SLC22A23: variants seen among roughly 807,000 people sequenced by gnomAD.
SLC22A23 encodes the protein solute carrier family 22 member 23.
SLC22A23 carries 26 observed loss-of-function variants against 61.0 expected under a neutral mutation model. That is an observed-to-expected ratio of 0.43 (90% CI 0.31 to 0.59). SLC22A23 has a LOEUF of 0.59. Among genes scored for constraint, SLC22A23 ranks in the 20% least tolerant of loss-of-function variants. SLC22A23 has a pLI of 0.11. For synonymous variants in SLC22A23, 430 were observed against 413.9 expected (o/e 1.04, Z -0.47); for missense variants, 796 against 934.7 (o/e 0.85, Z 1.94).
chr6:3,436,628 T>A (rs1771232460), intron 1 of SLC22A23, among the ~76,000 whole-genome samples: 2 of 152,108 alleles, frequency 1.3e-5, no homozygotes, highest in Admixed American at 1.3e-4. Flanking sequence ...CTCTTCCCTA[T>A]CTCCATGCAC....
At position 3,272,812 on chromosome 6, in the gene SLC22A23, C is replaced by G; in HGVS notation, c.*243G>C. The stretch of plus-strand genomic sequence containing the variant: ...AATAAAGTGCTTCTCGTAAAAATGA[C>G]CAAAATAAATACACACATTTAACGG... On this transcript the variant is annotated 3_prime_UTR_variant, in exon 10 of 10. Coordinates refer to ENST00000406686, the MANE Select transcript of SLC22A23 (RefSeq NM_015482.2). 1 of 428,038 alleles carries G rather than the reference C, an allele frequency of 2.3e-6. No homozygotes were observed. Among genetic ancestry groups the G allele is most frequent in the African/African-American group, 2.0e-5 (1 of 49,084 alleles). The allele number at this position is 428,038 out of a possible 1,614,324, so 26.5% of individuals were successfully genotyped here.
chr6:3,392,466 C>T (rs1337142413), intron 3 of SLC22A23, among the ~76,000 whole-genome samples: 1 of 152,194 alleles, frequency 6.6e-6, no homozygotes, highest in Non-Finnish European at 1.5e-5. Flanking sequence ...CTGATTCAGG[C>T]TGTATGAATA....
chr6:3,290,882 C>A (rs61439128), intron 5 of SLC22A23: 16,143 of 152,166 alleles, frequency 0.11, 1,179 homozygotes, highest in African/African-American at 0.2. Flanking sequence ...CTTCCCGAAG[C>A]GGAGGGGAAC....
intron 3 of SLC22A23, among the ~76,000 whole-genome samples, chr6:3,359,335 G>A (rs1042790363): frequency 3.3e-5 from 5 of 152,186 alleles, no homozygotes; most frequent in African/African-American, 9.7e-5. Context: ...ATCACTGAGT[G>A]GTTCTCCTTA....
intron 1 of SLC22A23, among the ~76,000 whole-genome samples, chr6:3,441,176 G>A (rs911119986): frequency 1.3e-5 from 2 of 152,194 alleles, no homozygotes; most frequent in Non-Finnish European, 2.9e-5. Flanking sequence ...CGTTCAGGTG[G>A]TTTTCAAGAG....
At chr6:3,401,667 G>A (rs1256279174) in intron 3 of SLC22A23, among the ~76,000 whole-genome samples, 1 of 152,096 alleles carries the variant, frequency 6.6e-6, no homozygotes, top group East Asian at 1.9e-4. Flanking sequence ...TGGCTCCCTG[G>A]TAACCAGCCT....
chr6:3,445,164 T>G (rs1381102584), intron 1 of SLC22A23, among the ~76,000 whole-genome samples: 1 of 151,622 alleles, frequency 6.6e-6, no homozygotes, highest in Non-Finnish European at 1.5e-5. Context: ...AGTGGCAGAG[T>G]TGGGGCTGCA....
chr6:3,319,424 C>T (rs1762821951), intron 4 of SLC22A23, among the ~76,000 whole-genome samples: 1 of 152,168 alleles, frequency 6.6e-6, no homozygotes, highest in South Asian at 2.1e-4. Context: ...TCCTGACCAC[C>T]CTACTTGGTA....
intron 6 of SLC22A23, among the ~76,000 whole-genome samples, chr6:3,288,539 T>C (rs1760269328): frequency 6.6e-6 from 1 of 152,226 alleles, no homozygotes; most frequent in African/African-American, 2.4e-5. Context: ...TCTCCTACCT[T>C]CTTGCTCTGG....
At chr6:3,446,081 G>A (rs1581904374) in intron 1 of SLC22A23, among the ~76,000 whole-genome samples, 1 of 152,290 alleles carries the variant, frequency 6.6e-6, no homozygotes, top group Non-Finnish European at 1.5e-5. Context: ...CCCATGCAAA[G>A]CCACAGCTGA....
intron 3 of SLC22A23, among the ~76,000 whole-genome samples, chr6:3,389,872 G>C (rs970830999): frequency 6.6e-6 from 1 of 152,366 alleles, no homozygotes; most frequent in East Asian, 1.9e-4. Flanking sequence ...CCCGTTAGTG[G>C]AGAACGGCCT....
chr6:3,317,624 T>C lies in SLC22A23; in HGVS notation c.1082+6210A>G, dbSNP rs894709941. 6.6e-6 allele frequency among the ~76,000 whole-genome samples: 1 copy of C among 152,178 alleles called. No individual in the cohort carries two copies. Among genetic ancestry groups the C allele is most frequent in the African/African-American group, 2.4e-5 (1 of 41,438 alleles). On this transcript the variant is annotated intron_variant, in intron 4 of 9. Coordinates refer to ENST00000406686, the MANE Select transcript of SLC22A23 (RefSeq NM_015482.2). This position sits in a 1 kb window ranked among gnomAD's most constrained non-coding sequence, Gnocchi z 4.4. ...ATGAGCGCTAAATCCCTGCTGCTCT[T>C]TACCGAGTGACAATCAATGCCTGAG...
intron 3 of SLC22A23, among the ~76,000 whole-genome samples, chr6:3,398,964 G>A (rs1480221332): frequency 4.6e-5 from 7 of 152,146 alleles, no homozygotes. Flanking sequence ...AGGAGGTCGA[G>A]ACTTCGGTCA....
At position 3,324,701 on chromosome 6, in the gene SLC22A23, G is replaced by A. The variant is rs1376988166; in HGVS notation, c.914-699C>T. On this transcript the variant is annotated intron_variant, in intron 3 of 9. Coordinates refer to ENST00000406686, the MANE Select transcript of SLC22A23 (RefSeq NM_015482.2). This position sits in a 1 kb window ranked among gnomAD's most constrained non-coding sequence, Gnocchi z 4.3. ...GAGTTCTGTGGGCCACTGCAACACG[G>A]GTGAGTCATGCATCCTTTCTCTGTC... 6.6e-6 allele frequency among the ~76,000 whole-genome samples: 1 copy of A among 152,186 alleles called. No individual in the cohort carries two copies. The highest frequency in any genetic ancestry group is 6.5e-5 in the Admixed American group (1 of 15,278).
rs1762704927 is a variant in SLC22A23 at position 3,317,416 on chromosome 6, C to T, written c.1082+6418G>A. ...CCAGCTCCCTCTTCCATTCTGGCAC[C>T]TCCTGCCACCTATCTTCCTAGCGCA... On this transcript the variant is annotated intron_variant, in intron 4 of 9. Coordinates refer to ENST00000406686, the MANE Select transcript of SLC22A23 (RefSeq NM_015482.2). This position sits in a 1 kb window ranked among gnomAD's most constrained non-coding sequence, Gnocchi z 4.4. 6.6e-6 allele frequency among the ~76,000 whole-genome samples: 1 copy of T among 152,196 alleles called. No homozygotes were observed. Among genetic ancestry groups the T allele is most frequent in the African/African-American group, 2.4e-5 (1 of 41,454 alleles).
chr6:3,391,876 G>C (rs1481725679), intron 3 of SLC22A23, among the ~76,000 whole-genome samples: 1 of 151,854 alleles, frequency 6.6e-6, no homozygotes, highest in Non-Finnish European at 1.5e-5. Context: ...GTCTGGAGGG[G>C]AGCATTTCAG....
Position 3,324,999 on chromosome 6 carries a change from C to G in SLC22A23, c.914-997G>C, listed in dbSNP as rs933658525. 6.6e-6 allele frequency among the ~76,000 whole-genome samples: 1 copy of G among 152,178 alleles called. No individual in the cohort carries two copies. The highest frequency in any genetic ancestry group is 1.5e-5 in the Non-Finnish European group (1 of 68,040). The stretch of plus-strand genomic sequence containing the variant: ...AGCTGGGTTTTATATATATTATTTT[C>G]CCTACAGAGCATGTACATTTATTTG... On this transcript the variant is annotated intron_variant, in intron 3 of 9. Coordinates refer to ENST00000406686, the MANE Select transcript of SLC22A23 (RefSeq NM_015482.2). This position sits in a 1 kb window ranked among gnomAD's most constrained non-coding sequence, Gnocchi z 4.3.
At chr6:3,413,864 A>G (rs1038679019) in intron 2 of SLC22A23, among the ~76,000 whole-genome samples, 1 of 152,228 alleles carries the variant, frequency 6.6e-6, no homozygotes, top group African/African-American at 2.4e-5. Flanking sequence ...AGGCCACTCA[A>G]AATGTTCAAA....
At chr6:3,358,647 C>A (rs942501775) in intron 3 of SLC22A23, among the ~76,000 whole-genome samples, 4 of 152,174 alleles carry the variant, frequency 2.6e-5, no homozygotes, top group African/African-American at 9.7e-5. Context: ...TGGAACTCTG[C>A]TGCACACATT....
Sources: gnomAD v4.1 joint callset for allele counts (sites outside exome capture counted in the v4.1 genomes callset) on GRCh38, gnomAD v4.1.1 for gene constraint, Gnocchi (gnomAD v3.1) non-coding constraint, MANE v1.5 for transcripts, NCBI Gene and HGNC (gene_info 2026-07-23, HGNC 2026-07-21) for gene names.